MPDZ: variants seen among roughly 807,000 people sequenced by gnomAD.
MPDZ encodes the protein multiple PDZ domain crumbs cell polarity complex component, also known as multiple PDZ domain protein.
MPDZ carries 234 observed loss-of-function variants against 239.1 expected under a neutral mutation model. The ratio of observed to expected loss-of-function variants is 0.98; its 90% CI spans 0.88 to 1.09. The LOEUF (loss-of-function observed/expected upper bound fraction) is 1.09. MPDZ is among the 50% of genes least tolerant of loss of function. MPDZ has a pLI of 0.00. For synonymous variants in MPDZ, 1,048 were observed against 881.3 expected, an observed-to-expected ratio of 1.19 and a Z score of -3.35; for missense variants, 3,175 against 2,510.0, an observed-to-expected ratio of 1.26 and a Z score of -5.66.
intron 19 of MPDZ, among the ~76,000 whole-genome samples, chr9:13,182,082 T>C (rs1032414679): frequency 6.6e-6 from 1 of 152,112 alleles, no homozygotes; most frequent in African/African-American, 2.4e-5. Flanking sequence ...TTTGAAAATG[T>C]TCTGGCCAAA....
intron 24 of MPDZ, among the ~76,000 whole-genome samples, chr9:13,154,150 G>T: frequency 6.6e-6 from 1 of 152,086 alleles, no homozygotes; most frequent in East Asian, 1.9e-4. Flanking sequence ...CTCCCTGGAA[G>T]TAAAGGTTGT....
intron 10 of MPDZ, among the ~76,000 whole-genome samples, chr9:13,214,334 T>C (rs1327355938): frequency 6.6e-6 from 1 of 152,028 alleles, no homozygotes; most frequent in Non-Finnish European, 1.5e-5. Flanking sequence ...AACCACATCT[T>C]GTATGATTCC....
chr9:13,222,353 C>T lies in MPDZ; in HGVS notation c.627G>A (p.Leu209=), dbSNP rs202169679. Residue 209 remains leucine (L), a synonymous_variant, in exon 6 of 47, where the codon CTG becomes CTA. Coordinates refer to ENST00000319217, the MANE Select transcript of MPDZ (RefSeq NM_001378778.1). ...GCTGGACAGTATCTTTGGCTTTCTG[C>T]AGGATGCTGATAGCCTGCTGATGTG... ...TITHQQAISI[L]QKAKDTVQLV... is the part of the protein sequence containing the mutation. 20 of 1,612,972 alleles carry T rather than the reference C, an allele frequency of 1.2e-5. No homozygotes were observed. In the African/African-American group the frequency reaches 2.3e-4, roughly 18 times the overall value.
intron 18 of MPDZ, among the ~76,000 whole-genome samples, chr9:13,186,024 C>T (rs1478853777): frequency 6.6e-6 from 1 of 152,074 alleles, no homozygotes; most frequent in Non-Finnish European, 1.5e-5. Flanking sequence ...AGATATGGCA[C>T]AAAGATTAAT....
At chr9:13,121,615 T>C in intron 38 of MPDZ, 124 bp downstream of exon 38, 2 of 961,242 alleles carry the variant, frequency 2.1e-6, no homozygotes, top group Non-Finnish European at 3.2e-6. Flanking sequence ...GTGAGGGGGC[T>C]AACAACAGCT....
intron 32 of MPDZ, among the ~76,000 whole-genome samples, chr9:13,131,331 C>T (rs1292888202): frequency 6.6e-6 from 1 of 152,052 alleles, no homozygotes; most frequent in East Asian, 1.9e-4. Flanking sequence ...GAAGTATTAA[C>T]AAAAATAATA....
At chr9:13,189,125 C>G in intron 16 of MPDZ, 132 bp from the exon 17 acceptor site, 1 of 740,092 alleles carries the variant, frequency 1.4e-6, no homozygotes, top group Non-Finnish European at 2.1e-6. Context: ...AAAAAAAATC[C>G]ATACAAAATT....
chr9:13,109,047 A>T lies in MPDZ; in HGVS notation c.5955T>A (p.Cys1985Ter). Residue 1985 changes from cysteine (C) to a stop codon, truncating the protein, a stop_gained, in exon 46 of 47, where the codon TGT (cysteine) becomes TGA (stop). Transcript: ENST00000319217. LOFTEE classifies it high-confidence loss of function. ...IFQDDLGPPQ[C>*]KSITLERGPD... ...GTCCTCGCTCTAGTGTAATAGACTT[A>T]CATTGAGGAGGTCTACGGTGAAGGA... The T allele has an allele frequency of 6.6e-7, 1 of 1,517,720 alleles. No homozygotes were observed. Among genetic ancestry groups the T allele is most frequent in the Non-Finnish European group, 8.9e-7 (1 of 1,128,344 alleles). The allele number at this position is 1,517,720 out of a possible 1,614,324, so 94.0% of individuals were successfully genotyped here.
At chr9:13,269,962 T>C (rs993913276) in intron 1 of MPDZ, among the ~76,000 whole-genome samples, 2 of 152,220 alleles carry the variant, frequency 1.3e-5, no homozygotes, top group African/African-American at 4.8e-5. Flanking sequence ...AATTACTAAT[T>C]CACAGATAAT....
intron 24 of MPDZ, among the ~76,000 whole-genome samples, chr9:13,151,052 T>G (rs1949102714): frequency 6.6e-6 from 1 of 151,922 alleles, no homozygotes. Flanking sequence ...TGAAAAGATG[T>G]TTAACATCAC....
intron 3 of MPDZ, among the ~76,000 whole-genome samples, chr9:13,235,330 A>G (rs1270107909): frequency 6.6e-6 from 1 of 152,210 alleles, no homozygotes; most frequent in Non-Finnish European, 1.5e-5. Flanking sequence ...AATATTTTCA[A>G]ATAGAACAAG....
chr9:13,186,120 A>G (rs916084092), intron 18 of MPDZ, 150 bp downstream of exon 18: 2 of 420,012 alleles, frequency 4.8e-6, no homozygotes, highest in Admixed American at 8.8e-5. Flanking sequence ...CCCATTTTCA[A>G]TTGTGAGAAC....
At chr9:13,157,992 G>A in intron 24 of MPDZ, 26 bp downstream of exon 24, 2 of 1,584,376 alleles carry the variant, frequency 1.3e-6, no homozygotes, top group East Asian at 2.2e-5. Context: ...TCCATTGGGT[G>A]GACAGAAGAC....
chr9:13,114,388 G>T (rs894164917), intron 40 of MPDZ, among the ~76,000 whole-genome samples: 26 of 152,120 alleles, frequency 1.7e-4, no homozygotes, highest in African/African-American at 6.0e-4. Context: ...ACTCATGGTA[G>T]TAATTTAGAA....
intron 13 of MPDZ, 103 bp downstream of exon 13, chr9:13,196,018 T>C: frequency 1.3e-6 from 1 of 749,698 alleles, no homozygotes; most frequent in Non-Finnish European, 2.1e-6. Context: ...CCTGTACATT[T>C]GATTCTTCTC....
intron 12 of MPDZ, among the ~76,000 whole-genome samples, chr9:13,198,739 G>C (rs112760986): frequency 0.11 from 661 of 5,806 alleles, 25 homozygotes; most frequent in East Asian, 0.18. Flanking sequence ...CTCTCTCTCT[G>C]TGTGTGTGTG....
At chr9:13,244,987 T>A (rs926014100) in intron 3 of MPDZ, among the ~76,000 whole-genome samples, 4 of 152,092 alleles carry the variant, frequency 2.6e-5, no homozygotes, top group African/African-American at 9.7e-5. Context: ...ATGGAGATAG[T>A]AAATTGCAGC....
chr9:13,259,114 T>G (rs1422613552), intron 1 of MPDZ, among the ~76,000 whole-genome samples: 2 of 152,162 alleles, frequency 1.3e-5, no homozygotes, highest in East Asian at 3.9e-4. Flanking sequence ...ACATGCTAGC[T>G]TAGAAATAAC....
Position 13,147,368 on chromosome 9 carries a change from T to A in MPDZ, c.3741+180A>T, listed in dbSNP as rs534027460. 4.6e-5 allele frequency among the ~76,000 whole-genome samples: 7 copies of A among 152,126 alleles called. No homozygotes were observed. The East Asian group carries it at 1.4e-3, about 29-fold the overall frequency. On this transcript the variant is annotated intron_variant, in intron 26 of 46. Transcript: ENST00000319217. Reference sequence around the variant, plus strand: ...AGACCTCAAAAGTCTTTATTAAACATGGTGGAAGGGATTTCCAGGATAACT... The same window carrying A: ...AGACCTCAAAAGTCTTTATTAAACAAGGTGGAAGGGATTTCCAGGATAACT...
Sources: allele counts gnomAD v4.1 joint callset (sites outside exome capture counted in the v4.1 genomes callset), GRCh38; gene constraint gnomAD v4.1.1; transcripts MANE v1.5; gene names NCBI Gene and HGNC (gene_info 2026-07-23, HGNC 2026-07-21).